Variants in KIAA1217 observed in about 807,000 individuals in gnomAD.
The protein encoded by KIAA1217 is KIAA1217.
In KIAA1217, 88 loss-of-function variants were observed where a neutral mutation model predicts 163.9. The ratio of observed to expected loss-of-function variants is 0.54; its 90% confidence interval spans 0.45 to 0.64. The LOEUF is 0.64. Among genes scored for constraint, KIAA1217 ranks in the 30% least tolerant of loss-of-function variants. The probability of loss-of-function intolerance (pLI) is 0.00; values close to 1 mark genes in which losing one functional copy is unlikely to be tolerated. For missense variants in KIAA1217, 2,372 were observed against 2,475.0 expected (o/e 0.96, Z 0.88); for synonymous variants, 903 against 923.1 (o/e 0.98, Z 0.39).
intron 2 of KIAA1217, among the ~76,000 whole-genome samples, chr10:24,292,987 C>T (rs1182960122): frequency 6.6e-6 from 1 of 152,176 alleles, no homozygotes; most frequent in Non-Finnish European, 1.5e-5. Context: ...CTACATGCTA[C>T]AAGCTGCACT....
intron 2 of KIAA1217, among the ~76,000 whole-genome samples, chr10:24,009,479 C>T (rs1478325283): frequency 6.6e-6 from 1 of 151,990 alleles, no homozygotes; most frequent in Non-Finnish European, 1.5e-5. Context: ...CAAATTATAG[C>T]ACTAATGATG....
At chr10:24,218,283 A>C (rs927761209) in intron 1 of KIAA1217, among the ~76,000 whole-genome samples, 2 of 151,828 alleles carry the variant, frequency 1.3e-5, no homozygotes, top group Admixed American at 6.6e-5. Flanking sequence ...CATGCTCCCC[A>C]CTCTCAGCAT....
At chr10:24,088,256 C>CATACATATATATATATATATATAT (rs1554861322) in intron 2 of KIAA1217, among the ~76,000 whole-genome samples, 1 of 95,852 alleles carries the variant, frequency 1.0e-5, no homozygotes, top group African/African-American at 3.4e-5. Context: ...TTTTAATATA[C>CATACATATATATATATATATATAT]ATATATATAT....
At chr10:24,350,291 T>C (rs1424561643) in intron 2 of KIAA1217, among the ~76,000 whole-genome samples, 1 of 152,196 alleles carries the variant, frequency 6.6e-6, no homozygotes, top group Non-Finnish European at 1.5e-5. Flanking sequence ...GAGAACATTC[T>C]TGTGTATCGT....
intron 1 of KIAA1217, among the ~76,000 whole-genome samples, chr10:23,886,771 C>A (rs567958922): frequency 6.6e-6 from 1 of 150,494 alleles, no homozygotes; most frequent in African/African-American, 2.4e-5. Flanking sequence ...ATTTATTTTC[C>A]TTATAAATGT....
chr10:24,376,025 A>C (rs930150235), intron 2 of KIAA1217, among the ~76,000 whole-genome samples: 1 of 152,236 alleles, frequency 6.6e-6, no homozygotes, highest in African/African-American at 2.4e-5. Flanking sequence ...TAGCATTGCA[A>C]AGAATATGAA....
At chr10:24,430,251 T>C (rs1427635610) in intron 3 of KIAA1217, among the ~76,000 whole-genome samples, 2 of 151,296 alleles carry the variant, frequency 1.3e-5, no homozygotes, top group Non-Finnish European at 3.0e-5. Flanking sequence ...TTTGCCAGCA[T>C]TCGGTCGAGG....
At chr10:23,960,167 G>A (rs141165594) in intron 1 of KIAA1217, among the ~76,000 whole-genome samples, 1,828 of 151,354 alleles carry the variant, frequency 0.012, 26 homozygotes, top group African/African-American at 0.042. Flanking sequence ...TGCCCACCTG[G>A]GCCTCCCAAA....
rs185734493 is a variant in KIAA1217, at chr10:23,878,895, T to G, written c.-320-128330T>G. The stretch of plus-strand genomic sequence containing the variant: ...AAGATCGGGTTGACTCCGAAGTTTT[T>G]GGCTTGAGCAACTGAAGGATGGAGT... On this transcript the variant is annotated intron_variant, in intron 1 of 18. Coordinates refer to the KIAA1217 transcript ENST00000376462. Among the ~76,000 whole-genome samples the G allele has an allele frequency of 3.3e-3, 506 of 152,008 alleles. 4 individuals carry two copies. Among genetic ancestry groups the G allele is most frequent in the Middle Eastern group, 0.031 (9 of 294 alleles).
intron 2 of KIAA1217, among the ~76,000 whole-genome samples, chr10:24,230,440 C>A (rs73604459): frequency 6.6e-6 from 1 of 150,416 alleles, no homozygotes; most frequent in East Asian, 1.9e-4. Context: ...TTAGGGATGC[C>A]GAGCCTGTAG....
At chr10:24,365,881 T>C (rs190089668) in intron 2 of KIAA1217, among the ~76,000 whole-genome samples, 58 of 152,200 alleles carry the variant, frequency 3.8e-4, no homozygotes, top group Admixed American at 1.7e-3. Flanking sequence ...CTAAGTAATA[T>C]ACACACATAT....
In KIAA1217 at chr10:24,524,369, G is replaced by T; in HGVS notation, c.2503G>T (p.Ala835Ser). The change falls in exon 13 of 21, where the codon GCA becomes TCA. Residue 835 changes from alanine (A) to serine (S), a missense_variant. Around this residue, in one of 3 missense-constraint regions of KIAA1217, gnomAD observed 1,431 missense variants for 1,470.3 expected, o/e 0.97. Coordinates refer to ENST00000376454, the MANE Select transcript of KIAA1217 (RefSeq NM_019590.5). ...GAAAGGCACGGACGCAGCCCAAGCC[G>T]CACAGTACATGGCTATGGAAAAGGC... Reference protein sequence around the residue: ...LLKGTDAAQAAQYMAMEKATA... With the variant: ...LLKGTDAAQASQYMAMEKATA... 2.5e-6 allele frequency: 4 copies of T among 1,614,112 alleles called. No individual in the cohort carries two copies. Among genetic ancestry groups the T allele is most frequent in the Non-Finnish European group, 3.4e-6 (4 of 1,179,968 alleles).
At chr10:23,894,605 A>C (rs1242593728) in intron 1 of KIAA1217, among the ~76,000 whole-genome samples, 1 of 150,454 alleles carries the variant, frequency 6.6e-6, no homozygotes, top group Admixed American at 6.7e-5. Flanking sequence ...CCATCAAGCT[A>C]CCAATGACTT....
intron 2 of KIAA1217, among the ~76,000 whole-genome samples, chr10:24,249,667 G>A (rs76055501): frequency 0.016 from 2,419 of 152,172 alleles, 58 homozygotes; most frequent in African/African-American, 0.055. Flanking sequence ...GTAAGCCTTA[G>A]AATCCCCACA....
chr10:24,434,600 G>C (rs948783510), intron 4 of KIAA1217, among the ~76,000 whole-genome samples: 2 of 152,172 alleles, frequency 1.3e-5, no homozygotes, highest in Non-Finnish European at 2.9e-5. Context: ...ACTCCCAAAT[G>C]GTTGGGATTA....
upstream of KIAA1217, among the ~76,000 whole-genome samples, chr10:24,207,289 C>CAA (rs1362906383): frequency 6.9e-6 from 1 of 144,720 alleles, no homozygotes; most frequent in Non-Finnish European, 1.5e-5. Flanking sequence ...CTCTCACACA[C>CAA]ACACACACAC....
rs116667819 is a variant in KIAA1217, at chr10:23,743,814, A to G, written c.-321+48580A>G. On this transcript the variant is annotated intron_variant, in intron 1 of 18. Transcript: ENST00000376462. ...ATTTGCACTGTCTCATAGTTTTACT[A>G]GTTTTCCAAAACAACTTTCATTGGG... is the stretch of plus-strand genomic sequence containing the variant. Among the ~76,000 whole-genome samples, 1,071 of 152,284 alleles carry G rather than the reference A, an allele frequency of 7.0e-3. 18 individuals carry two copies. The highest frequency in any genetic ancestry group is 0.025 in the African/African-American group (1,026 of 41,548).
intron 2 of KIAA1217, among the ~76,000 whole-genome samples, chr10:24,178,768 T>C (rs1172993110): frequency 6.6e-6 from 1 of 152,220 alleles, no homozygotes; most frequent in East Asian, 1.9e-4. Context: ...TTCACCTTTT[T>C]CTTTAGCCTG....
At chr10:24,352,109 A>C (rs1407591580) in intron 2 of KIAA1217, among the ~76,000 whole-genome samples, 2 of 152,224 alleles carry the variant, frequency 1.3e-5, no homozygotes, top group African/African-American at 4.8e-5. Context: ...TTCACACCCA[A>C]GTGAAGCCTG....
Sources: allele counts gnomAD v4.1 joint callset (sites outside exome capture counted in the v4.1 genomes callset), GRCh38; gene constraint gnomAD v4.1.1; regional missense constraint gnomAD v4.1.1; transcripts MANE v1.5; gene names NCBI Gene and HGNC (gene_info 2026-07-23, HGNC 2026-07-21).